SPTBN1: variants seen among roughly 807,000 people sequenced by gnomAD.
SPTBN1 encodes spectrin beta, non-erythrocytic 1.
In SPTBN1, 32 loss-of-function variants were observed where a neutral mutation model predicts 266.4. That is an observed-to-expected ratio of 0.12 (90% CI 0.09 to 0.16). SPTBN1 has a LOEUF of 0.16. Ranked by LOEUF, SPTBN1 falls within the 10% of genes least tolerant of loss-of-function variation. The pLI is 1.00. For missense variants in SPTBN1, 2,296 were observed against 3,067.1 expected (o/e 0.75, Z 5.94); for synonymous variants, 1,336 against 1,162.2 (o/e 1.15, Z -3.04).
chr2:54,632,891 C>T, intron 17 of SPTBN1, 123 bp downstream of exon 17: 8 of 1,044,814 alleles, frequency 7.7e-6, no homozygotes, highest in Non-Finnish European at 1.1e-5. Context: ...TATGGGTGCC[C>T]AGCAGAAGTT....
At chr2:54,489,965 A>G (rs532731119) in intron 1 of SPTBN1, among the ~76,000 whole-genome samples, 31 of 152,322 alleles carry the variant, frequency 2.0e-4, no homozygotes, top group African/African-American at 6.0e-4. Flanking sequence ...CTGTGTTTCT[A>G]TAAGAACATG....
In SPTBN1 at chr2:54,646,645, T is replaced by C. The variant is rs1558465879; in HGVS notation, c.4866+170T>C. On this transcript the variant is annotated intron_variant, in intron 23 of 35. Coordinates refer to ENST00000356805, the MANE Select transcript of SPTBN1 (RefSeq NM_003128.3). This position sits in a 1 kb window ranked among gnomAD's most constrained non-coding sequence, Gnocchi z 4.4. ...TGAAATCCAGCTGCTGGTTTCCCTT[T>C]GGTGCAGCATTTTCTTATCTGAATC... 1.3e-5 allele frequency among the ~76,000 whole-genome samples: 2 copies of C among 152,348 alleles called. No homozygotes were observed. The highest frequency in any genetic ancestry group is 4.1e-4 in the South Asian group (2 of 4,834).
At chr2:54,615,397 C>T (rs960904924) in intron 4 of SPTBN1, among the ~76,000 whole-genome samples, 2 of 152,290 alleles carry the variant, frequency 1.3e-5, no homozygotes, top group East Asian at 3.9e-4. Flanking sequence ...ACATTTTACT[C>T]TACAAGAGGA....
intron 2 of SPTBN1, among the ~76,000 whole-genome samples, chr2:54,593,823 CTTTTTTTTTT>C (rs374877354): frequency 2.3e-4 from 15 of 64,790 alleles, no homozygotes; most frequent in African/African-American, 5.6e-4. Flanking sequence ...CATGGAAACA[CTTTTTTTTTT>C]TTTTTTTTTT....
intron 2 of SPTBN1, among the ~76,000 whole-genome samples, chr2:54,591,869 C>G (rs1476549082): frequency 6.6e-6 from 1 of 152,176 alleles, no homozygotes; most frequent in Non-Finnish European, 1.5e-5. Flanking sequence ...ATAGCAAATT[C>G]TCTAGAGTAA....
chr2:54,645,370 C>G lies in SPTBN1; in HGVS notation c.4411C>G (p.Leu1471Val). Residue 1471 changes from leucine (L) to valine (V), a missense_variant, in exon 21 of 36, where the codon CTG becomes GTG. This residue lies in a region of SPTBN1 where 386 missense variants were observed against 486.1 expected (regional missense o/e 0.79). Coordinates refer to ENST00000356805, the MANE Select transcript of SPTBN1 (RefSeq NM_003128.3). This position sits in a 1 kb window ranked among gnomAD's most constrained non-coding sequence, Gnocchi z 4.3. Reference protein sequence around the residue: ...LTVQTKFMELLEPLNERKHNL... With the variant: ...LTVQTKFMELVEPLNERKHNL... Reference sequence around the variant, plus strand: ...CGTGCAGACCAAGTTCATGGAGTTGCTGGAGCCCTTGAACGAGAGGAAGCA... The same window carrying G: ...CGTGCAGACCAAGTTCATGGAGTTGGTGGAGCCCTTGAACGAGAGGAAGCA... 6.2e-7 allele frequency: 1 copy of G among 1,614,190 alleles called. No homozygotes were observed. Among genetic ancestry groups the G allele is most frequent in the Non-Finnish European group, 8.5e-7 (1 of 1,180,034 alleles).
intron 1 of SPTBN1, among the ~76,000 whole-genome samples, chr2:54,518,466 AAAAG>A (rs1312852194): frequency 2.0e-5 from 3 of 151,528 alleles, no homozygotes; most frequent in African/African-American, 7.3e-5. Context: ...AAAAAAAAAA[AAAAG>A]AAACAGTGGT....
At chr2:54,616,445 C>G (rs1400020447) in intron 5 of SPTBN1, 147 bp downstream of exon 5, 1 of 554,426 alleles carries the variant, frequency 1.8e-6, no homozygotes, top group East Asian at 3.0e-5. Context: ...TATGACTTTT[C>G]AATTAGCTCT....
chr2:54,469,929 G>A (rs1436752683), intron 1 of SPTBN1, among the ~76,000 whole-genome samples: 3 of 152,170 alleles, frequency 2.0e-5, no homozygotes, highest in Non-Finnish European at 4.4e-5. Flanking sequence ...AGATCTGCCT[G>A]CCATTTCGGA....
chr2:54,645,016 C>T lies in SPTBN1; in HGVS notation c.4270-213C>T, dbSNP rs971011385. 13 of 580,824 alleles carry T rather than the reference C, an allele frequency of 2.2e-5. No individual in the cohort carries two copies. The highest frequency in any genetic ancestry group is 8.2e-5 in the South Asian group (4 of 48,546). The allele number at this position is 580,824 out of a possible 1,614,324, so 36.0% of individuals were successfully genotyped here. On this transcript the variant is annotated intron_variant, in intron 20 of 35. Coordinates refer to ENST00000356805, the MANE Select transcript of SPTBN1 (RefSeq NM_003128.3). The surrounding 1 kb of genome is among the most constrained non-coding windows in gnomAD (Gnocchi z 4.3). ...AAAATAACTGTTTATATTATATCACCGTAGAGGGCTTTAAGGGCAAATGAA... is the reference window on the plus strand; with the variant it reads ...AAAATAACTGTTTATATTATATCACTGTAGAGGGCTTTAAGGGCAAATGAA...
intron 2 of SPTBN1, among the ~76,000 whole-genome samples, chr2:54,584,653 C>A (rs769364706): frequency 5.9e-5 from 9 of 152,202 alleles, no homozygotes; most frequent in Non-Finnish European, 1.2e-4. Flanking sequence ...TCCAGCCCTT[C>A]CCACCCAGAT....
intron 3 of SPTBN1, among the ~76,000 whole-genome samples, chr2:54,611,780 A>T (rs1430779059): frequency 6.6e-6 from 1 of 152,156 alleles, no homozygotes; most frequent in African/African-American, 2.4e-5. Context: ...TTACATTCCA[A>T]GTAATCAGAA....
In SPTBN1 at chr2:54,540,483, C is replaced by G. The variant is rs185787549; in HGVS notation, c.148+13917C>G. ...TCTTTTGTGCTCCAGGTATCTCACC[C>G]TAAGGTTTTTACCCTTTTTGGTTAA... On this transcript the variant is annotated intron_variant, in intron 2 of 35. Coordinates refer to ENST00000356805, the MANE Select transcript of SPTBN1 (RefSeq NM_003128.3). This position sits in a 1 kb window ranked among gnomAD's most constrained non-coding sequence, Gnocchi z 5.6. 2 of 152,204 alleles carry G rather than the reference C, an allele frequency of 1.3e-5. No individual in the cohort carries two copies. The highest frequency in any genetic ancestry group is 2.4e-5 in the African/African-American group (1 of 41,448). 9.4% of individuals were successfully genotyped at this position (152,204 alleles called of 1,614,324 possible).
At chr2:54,632,419 C>G (rs1678813019) in intron 16 of SPTBN1, 147 bp from the exon 17 acceptor site, 3 of 913,824 alleles carry the variant, frequency 3.3e-6, no homozygotes, top group Non-Finnish European at 4.9e-6. Context: ...GGTTTTTTTC[C>G]TCCTAACTTT....
intron 2 of SPTBN1, chr2:54,529,314 C>T (rs1175758460): frequency 3.9e-6 from 2 of 515,068 alleles, no homozygotes; most frequent in African/African-American, 3.9e-5. Context: ...GTAGAGTTAC[C>T]TCAAAGATAC....
At chr2:54,465,304 G>A (rs1390194290) in intron 1 of SPTBN1, among the ~76,000 whole-genome samples, 2 of 152,094 alleles carry the variant, frequency 1.3e-5, no homozygotes, top group African/African-American at 4.8e-5. Context: ...CTCCACACTT[G>A]AGTGCAGAGC....
chr2:54,557,889 C>A, intron 2 of SPTBN1: 1 of 984,558 alleles, frequency 1.0e-6, no homozygotes, highest in Non-Finnish European at 1.2e-6. Flanking sequence ...TGACTTCTTC[C>A]CGGTGGCTCG....
intron 3 of SPTBN1, among the ~76,000 whole-genome samples, chr2:54,599,864 G>T (rs6730876): frequency 0.15 from 22,237 of 152,156 alleles, 1,728 homozygotes; most frequent in Middle Eastern, 0.19. Flanking sequence ...GGCCCTCTCT[G>T]ATGTGACTCT....
intron 35 of SPTBN1, 128 bp from the exon 36 acceptor site, chr2:54,668,223 G>C (rs543721950): frequency 3.8e-6 from 3 of 796,646 alleles, no homozygotes; most frequent in Non-Finnish European, 4.1e-6. Context: ...GGTGCATTTG[G>C]GGACAGTGCC....
Sources: allele counts gnomAD v4.1 joint callset (sites outside exome capture counted in the v4.1 genomes callset), GRCh38; gene constraint gnomAD v4.1.1; regional missense constraint gnomAD v4.1.1; non-coding constraint Gnocchi (gnomAD v3.1); transcripts MANE v1.5; gene names NCBI Gene and HGNC (gene_info 2026-07-23, HGNC 2026-07-21).